The following ATRNL1 variants were observed in gnomAD, a reference collection of about 807,000 sequenced individuals.
ATRNL1 encodes the protein attractin-like protein 1.
A neutral mutation model predicts 182.7 loss-of-function variants in ATRNL1; 95 were observed. That is an observed-to-expected ratio of 0.52 (90% CI 0.44 to 0.62). The LOEUF is 0.62. Among genes scored for constraint, ATRNL1 ranks in the 20% least tolerant of loss-of-function variants. The pLI, the probability that ATRNL1 is intolerant of heterozygous loss-of-function variation, is 0.00. For missense variants in ATRNL1, 1,471 were observed against 1,679.5 expected (o/e 0.88, Z 2.17); for synonymous variants, 576 against 568.3 (o/e 1.01, Z -0.19).
chr10:115,704,730 G>A (rs1204053401), intron 26 of ATRNL1, among the ~76,000 whole-genome samples: 1 of 151,716 alleles, frequency 6.6e-6, no homozygotes, highest in African/African-American at 2.4e-5. Flanking sequence ...TACCTGTCTA[G>A]CTTCATTCCC....
At chr10:115,139,289 A>G (rs534198982) in intron 5 of ATRNL1, among the ~76,000 whole-genome samples, 5 of 152,144 alleles carry the variant, frequency 3.3e-5, no homozygotes, top group South Asian at 4.2e-4. Flanking sequence ...TCACTTCTAC[A>G]TTTTCGGGTA....
At chr10:115,383,234 G>T (rs1858130817) in intron 19 of ATRNL1, among the ~76,000 whole-genome samples, 1 of 151,402 alleles carries the variant, frequency 6.6e-6, no homozygotes, top group South Asian at 2.1e-4. Flanking sequence ...GGATCATGGT[G>T]GGAATCTGTT....
intron 26 of ATRNL1, among the ~76,000 whole-genome samples, chr10:115,678,624 A>G (rs1555043776): frequency 6.6e-6 from 1 of 152,126 alleles, no homozygotes; most frequent in African/African-American, 2.4e-5. Flanking sequence ...ATAAGTATTA[A>G]CATTAAAGAC....
chr10:115,507,850 G>C (rs777332779), intron 24 of ATRNL1, among the ~76,000 whole-genome samples: 1 of 151,990 alleles, frequency 6.6e-6, no homozygotes, highest in African/African-American at 2.4e-5. Flanking sequence ...AGTTACCCAT[G>C]GGTGGAAGGT....
At chr10:115,398,634 G>A (rs898558036) in intron 20 of ATRNL1, among the ~76,000 whole-genome samples, 46 of 152,108 alleles carry the variant, frequency 3.0e-4, no homozygotes, top group African/African-American at 1.0e-3. Context: ...CTAGATGTAG[G>A]ATCATGTTGT....
At chr10:115,404,396 A>T (rs1279680694) in intron 20 of ATRNL1, among the ~76,000 whole-genome samples, 2 of 152,178 alleles carry the variant, frequency 1.3e-5, no homozygotes, top group Admixed American at 1.3e-4. Flanking sequence ...TAAAAACCTC[A>T]TGTGCCATAC....
At chr10:115,679,329 T>A (rs559791469) in intron 26 of ATRNL1, among the ~76,000 whole-genome samples, 1 of 152,110 alleles carries the variant, frequency 6.6e-6, no homozygotes, top group South Asian at 2.1e-4. Context: ...GTTTTTTTTT[T>A]AATTCCAGGT....
chr10:115,100,556 A>T (rs2143418385), intron 1 of ATRNL1, among the ~76,000 whole-genome samples: 1 of 152,286 alleles, frequency 6.6e-6, no homozygotes, highest in South Asian at 2.1e-4. Context: ...TGTTGAAACC[A>T]TTCATATATT....
At chr10:115,536,554 T>C (rs1019036845) in intron 25 of ATRNL1, among the ~76,000 whole-genome samples, 66 of 152,366 alleles carry the variant, frequency 4.3e-4, no homozygotes, top group African/African-American at 1.6e-3. Context: ...TCCTGACGCC[T>C]TGTGCTTCCC....
In ATRNL1 at chr10:115,093,759, T is replaced by A; in HGVS notation, c.9T>A (p.Thr3=). Residue 3 remains threonine, a synonymous_variant, in exon 1 of 29, where the codon ACT becomes ACA. Transcript: ENST00000355044. This position sits in a 1 kb window ranked among gnomAD's most constrained non-coding sequence, Gnocchi z 6.1. ...CAGGGGCGCCGGGGAAGATGGAGAC[T>A]GGGGGCCGGGCCCGCACTGGTACCC... ME[T]GGRARTGTPQ... The A allele has an allele frequency of 7.1e-7, 1 of 1,414,878 alleles. No individual in the cohort carries two copies. Among genetic ancestry groups the A allele is most frequent in the Non-Finnish European group, 9.2e-7 (1 of 1,092,200 alleles). 87.6% of individuals were successfully genotyped at this position (1,414,878 alleles called of 1,614,324 possible).
intron 26 of ATRNL1, among the ~76,000 whole-genome samples, chr10:115,621,276 T>TATATATATATATAGAGAGAG (rs1268020830): frequency 2.3e-4 from 11 of 47,572 alleles, no homozygotes; most frequent in African/African-American, 5.9e-4. Context: ...TATATATATA[T>TATATATATATATAGAGAGAG]AGAGAGAGAG....
At chr10:115,413,957 G>A (rs1845265576) in intron 20 of ATRNL1, among the ~76,000 whole-genome samples, 1 of 151,894 alleles carries the variant, frequency 6.6e-6, no homozygotes, top group Non-Finnish European at 1.5e-5. Flanking sequence ...GCATACATAT[G>A]CATGTATATA....
rs150974340 is a variant in ATRNL1, at chr10:115,247,463, C to A, written c.1687+5738C>A. 6.5e-3 allele frequency among the ~76,000 whole-genome samples: 991 copies of A among 152,138 alleles called. 10 individuals are homozygous for A. The highest frequency in any genetic ancestry group is 0.011 in the Non-Finnish European group (720 of 67,982). On this transcript the variant is annotated intron_variant, in intron 10 of 28. Transcript: ENST00000355044. ...CAGTATTCATCAGGGAAATACAAAT[C>A]AAAACACAATGAAGTATCATCTCAC...
At chr10:115,380,217 T>G (rs1554950711) in intron 19 of ATRNL1, among the ~76,000 whole-genome samples, 1 of 152,206 alleles carries the variant, frequency 6.6e-6, no homozygotes, top group African/African-American at 2.4e-5. Context: ...TAATTTTATG[T>G]ATGCATATGG....
At chr10:115,354,476 A>C (rs1592508400) in intron 19 of ATRNL1, among the ~76,000 whole-genome samples, 1 of 152,080 alleles carries the variant, frequency 6.6e-6, no homozygotes, top group Non-Finnish European at 1.5e-5. Flanking sequence ...CTAGGTTGGA[A>C]GTTTTTTCCC....
At chr10:115,747,395 T>G (rs1237954195) in intron 27 of ATRNL1, among the ~76,000 whole-genome samples, 1 of 152,100 alleles carries the variant, frequency 6.6e-6, no homozygotes, top group Non-Finnish European at 1.5e-5. Flanking sequence ...ATCAAGATAT[T>G]GGCCCCATCT....
intron 20 of ATRNL1, among the ~76,000 whole-genome samples, chr10:115,414,995 C>G (rs1554960610): frequency 6.6e-6 from 1 of 151,964 alleles, no homozygotes; most frequent in African/African-American, 2.4e-5. Flanking sequence ...TTACGCTACA[C>G]TGAATAAACT....
At chr10:115,371,054 T>G (rs1371507728) in intron 19 of ATRNL1, among the ~76,000 whole-genome samples, 1 of 152,182 alleles carries the variant, frequency 6.6e-6, no homozygotes, top group East Asian at 1.9e-4. Flanking sequence ...CCCCAAGCTG[T>G]GGCAACTTTC....
In ATRNL1 at chr10:115,093,524, A is replaced by G. The variant is rs1297629362; in HGVS notation, c.-227A>G. ...CTGTGGGGTCGGCCCGCTAAGGACA[A>G]GGTCGGGAGACTGGGTGGCGATGCC... On this transcript the variant is annotated 5_prime_UTR_variant, in exon 1 of 29. Transcript: ENST00000355044. This position sits in a 1 kb window ranked among gnomAD's most constrained non-coding sequence, Gnocchi z 6.1. The G allele has an allele frequency of 3.0e-6, 2 of 671,590 alleles. No individual in the cohort carries two copies. The highest frequency in any genetic ancestry group is 3.7e-5 in the African/African-American group (2 of 53,732). The allele number at this position is 671,590 out of a possible 1,614,324, so 41.6% of individuals were successfully genotyped here. A position where few individuals can be genotyped will look rare whatever the true frequency, so the allele number is the denominator to read the frequency against.
Sources: gnomAD v4.1 joint callset for allele counts (sites outside exome capture counted in the v4.1 genomes callset) on GRCh38, gnomAD v4.1.1 for gene constraint, Gnocchi (gnomAD v3.1) non-coding constraint, MANE v1.5 for transcripts, NCBI Gene and HGNC (gene_info 2026-07-23, HGNC 2026-07-21) for gene names.